SCIMP: variants seen among roughly 807,000 people sequenced by gnomAD.
SCIMP encodes the protein SLP adapter and CSK-interacting membrane protein.
SCIMP carries 18 observed loss-of-function variants against 22.0 expected under a neutral mutation model. That is an observed-to-expected ratio of 0.82 (90% CI 0.56 to 1.21). The LOEUF is 1.21. Among genes scored for constraint, SCIMP ranks in the 50% most tolerant of loss-of-function variants. The pLI, the probability that SCIMP is intolerant of heterozygous loss-of-function variation, is 0.00. For synonymous variants in SCIMP, 53 were observed against 62.2 expected (o/e 0.85, Z 0.70); for missense variants, 155 against 171.2 (o/e 0.91, Z 0.53).
At chr17:5,217,781 G>A (rs1386037437) in intron 3 of SCIMP, among the ~76,000 whole-genome samples, 1 of 151,816 alleles carries the variant, frequency 6.6e-6, no homozygotes, top group African/African-American at 2.4e-5. Context: ...CATGGTGTAT[G>A]TGTGCCACAT....
intron 3 of SCIMP, among the ~76,000 whole-genome samples, chr17:5,216,106 A>T (rs930960522): frequency 6.6e-6 from 1 of 151,932 alleles, no homozygotes; most frequent in African/African-American, 2.4e-5. Context: ...AGGAGACTGA[A>T]GCAAGAGGAT....
intron 1 of SCIMP, among the ~76,000 whole-genome samples, chr17:5,224,494 G>T (rs1392782892): frequency 1.4e-5 from 2 of 147,982 alleles, no homozygotes; most frequent in African/African-American, 5.0e-5. Context: ...ACAGAGGCTT[G>T]CTCTGTCGCC....
At chr17:5,219,627 C>T (rs781622910) in intron 3 of SCIMP, among the ~76,000 whole-genome samples, 2 of 152,060 alleles carry the variant, frequency 1.3e-5, no homozygotes, top group African/African-American at 2.4e-5. Context: ...GACTCCATCT[C>T]GTAAATAAAT....
At chr17:5,228,538 A>G (rs2074669679) in intron 1 of SCIMP, among the ~76,000 whole-genome samples, 1 of 151,686 alleles carries the variant, frequency 6.6e-6, no homozygotes, top group Non-Finnish European at 1.5e-5. Flanking sequence ...CCAGCTACTC[A>G]AGAAGCTTAG....
At chr17:5,230,288 C>A (rs2074684191) in intron 1 of SCIMP, among the ~76,000 whole-genome samples, 1 of 152,192 alleles carries the variant, frequency 6.6e-6, no homozygotes, top group South Asian at 2.1e-4. Context: ...GGCAAACCAA[C>A]CAAGTTCTAT....
rs1314715348 is a variant in SCIMP, at chr17:5,220,081, C to G, written c.209+1206G>C. On this transcript the variant is annotated intron_variant, in intron 3 of 4. Transcript: ENST00000574081. ...GTGTTCTTCTAGTGAATTCTCAAGCCTAAGAGTGGCCTTGGAGATCCCCAA... is the reference window on the plus strand; with the variant it reads ...GTGTTCTTCTAGTGAATTCTCAAGCGTAAGAGTGGCCTTGGAGATCCCCAA... Among the ~76,000 whole-genome samples, 5 of 152,138 alleles carry G rather than the reference C, an allele frequency of 3.3e-5. No individual in the cohort carries two copies. In the East Asian group the frequency reaches 9.6e-4, roughly 29 times the overall value.
In SCIMP at chr17:5,212,947, CTG is replaced by C. The variant is rs567320863; in HGVS notation, c.283+1976_283+1977del. The C allele has an allele frequency of 2.9e-3, 435 of 150,090 alleles. 1 individual carries two copies. Among genetic ancestry groups the C allele is most frequent in the South Asian group, 6.3e-3 (30 of 4,788 alleles). 9.3% of individuals were successfully genotyped at this position (150,090 alleles called of 1,614,324 possible). On this transcript the variant is annotated intron_variant, in intron 4 of 4. Coordinates refer to ENST00000574081, the MANE Select transcript of SCIMP (RefSeq NM_207103.3). ...AAGTAAATAACACAATTTTGGATAA[CTG>C]TCAGTTTCATAAAGGAAATTAGCAG...
intron 3 of SCIMP, among the ~76,000 whole-genome samples, chr17:5,218,031 A>AT (rs934497671): frequency 4.1e-4 from 60 of 145,906 alleles, no homozygotes; most frequent in African/African-American, 8.3e-4. Flanking sequence ...TCCCACCAAC[A>AT]TTTTTTTTTT....
intron 1 of SCIMP, among the ~76,000 whole-genome samples, chr17:5,224,747 G>A (rs887411839): frequency 6.6e-6 from 1 of 152,114 alleles, no homozygotes. Flanking sequence ...AAGCCACCAT[G>A]CCCAGCCAGT....
Position 5,215,818 on chromosome 17 carries a change from T to C in SCIMP, c.210-820A>G, listed in dbSNP as rs150030245. Among the ~76,000 whole-genome samples the C allele has an allele frequency of 1.6e-4, 24 of 152,264 alleles. No homozygotes were observed. In the East Asian group the frequency reaches 3.7e-3, roughly 23 times the overall value. The stretch of plus-strand genomic sequence containing the variant: ...GGACACGACCTGTATTAGTCTGGGT[T>C]GTCCAGAGAAGCACAGACACATAAA... On this transcript the variant is annotated intron_variant, in intron 3 of 4. Transcript: ENST00000574081.
chr17:5,211,568 A>C (rs1387310107), intron 4 of SCIMP, among the ~76,000 whole-genome samples: 1 of 151,886 alleles, frequency 6.6e-6, no homozygotes, highest in South Asian at 2.1e-4. Flanking sequence ...ACCAGAGCCC[A>C]GTAGTCATAT....
At chr17:5,213,275 T>TG in intron 4 of SCIMP, 1 of 965,966 alleles carries the variant, frequency 1.0e-6, no homozygotes, top group Non-Finnish European at 1.2e-6. Flanking sequence ...TTTTTTTTTT[T>TG]GAGACAGGGT....
rs2074513351 is a variant in SCIMP at position 5,209,706 on chromosome 17, C to T, written c.*1095G>A. ...ATCAGCTAGAAGGAATTGATGAGGT[C>T]TAAGAGCCTATAAAGCTGACTCGGG... On this transcript the variant is annotated 3_prime_UTR_variant, in exon 5 of 5. Coordinates refer to ENST00000574081, the MANE Select transcript of SCIMP (RefSeq NM_207103.3). 2 of 152,062 alleles carry T rather than the reference C, an allele frequency of 1.3e-5. No homozygotes were observed. Among genetic ancestry groups the T allele is most frequent in the South Asian group, 4.1e-4 (2 of 4,834 alleles). The allele number at this position is 152,062 out of a possible 1,614,324, so 9.4% of individuals were successfully genotyped here.
At chr17:5,227,710 G>T (rs771314480) in intron 1 of SCIMP, among the ~76,000 whole-genome samples, 24 of 152,168 alleles carry the variant, frequency 1.6e-4, no homozygotes, top group Admixed American at 4.6e-4. Context: ...GCAATAGCAC[G>T]CACCAACTCC....
rs995114807 is a variant in SCIMP, at chr17:5,209,325, G to C, written c.*1476C>G. 2 of 152,098 alleles carry C rather than the reference G, an allele frequency of 1.3e-5. No individual in the cohort carries two copies. The highest frequency in any genetic ancestry group is 2.9e-5 in the Non-Finnish European group (2 of 68,044). The allele number at this position is 152,098 out of a possible 1,614,324, so 9.4% of individuals were successfully genotyped here. A position where few individuals can be genotyped will look rare whatever the true frequency, so the allele number is the denominator to read the frequency against. The stretch of plus-strand genomic sequence containing the variant: ...AATTTTGTATTTTTAGTAGAAATGG[G>C]GTTTCTCCATGTTGGTCAGGCTGGT... On this transcript the variant is annotated 3_prime_UTR_variant, in exon 5 of 5. Coordinates refer to ENST00000574081, the MANE Select transcript of SCIMP (RefSeq NM_207103.3).
chr17:5,212,360 C>G (rs911447894), intron 4 of SCIMP, among the ~76,000 whole-genome samples: 1 of 151,880 alleles, frequency 6.6e-6, no homozygotes, highest in South Asian at 2.1e-4. Flanking sequence ...TTGGGCCGGG[C>G]GCGGTGGCTC....
intron 1 of SCIMP, among the ~76,000 whole-genome samples, chr17:5,233,405 G>T (rs536675949): frequency 4.6e-5 from 7 of 151,852 alleles, no homozygotes; most frequent in Admixed American, 4.6e-4. Context: ...ATGGAGTCTT[G>T]CTCTGTCACC....
chr17:5,224,881 A>G (rs1397457098), intron 1 of SCIMP, among the ~76,000 whole-genome samples: 1 of 152,178 alleles, frequency 6.6e-6, no homozygotes, highest in Admixed American at 6.6e-5. Context: ...AGTTATGGTC[A>G]GAAGGGTGAA....
At chr17:5,225,456 C>T (rs1471394509) in intron 1 of SCIMP, among the ~76,000 whole-genome samples, 1 of 151,956 alleles carries the variant, frequency 6.6e-6, no homozygotes, top group Non-Finnish European at 1.5e-5. Flanking sequence ...CAGAGCAAGA[C>T]TCCATCTCAA....
Sources: allele counts gnomAD v4.1 joint callset (sites outside exome capture counted in the v4.1 genomes callset), GRCh38; gene constraint gnomAD v4.1.1; transcripts MANE v1.5; gene names NCBI Gene and HGNC (gene_info 2026-07-23, HGNC 2026-07-21).